Variants in VPS35L observed in about 807,000 individuals in gnomAD.
The protein encoded by VPS35L is VPS35 endosomal protein-sorting factor-like.
Under a neutral mutation model 133.0 loss-of-function variants are expected in VPS35L, and 83 were observed. That is an observed-to-expected ratio of 0.62 (90% CI 0.52 to 0.75). The LOEUF is 0.75. VPS35L is among the 30% of genes least tolerant of loss of function. The pLI, the probability that VPS35L is intolerant of heterozygous loss-of-function variation, is 0.00. For synonymous variants in VPS35L, 423 were observed against 449.9 expected (o/e 0.94, Z 0.76); for missense variants, 1,083 against 1,206.8 (o/e 0.90, Z 1.52).
chr16:19,578,269 A>G (rs1280985507), intron 5 of VPS35L: 1 of 447,514 alleles, frequency 2.2e-6, no homozygotes, highest in East Asian at 7.0e-5. Context: ...CCCTAAGTCC[A>G]CATTTCTTTC....
At chr16:19,660,197 C>T (rs756122836) in intron 26 of VPS35L, among the ~76,000 whole-genome samples, 17 of 151,782 alleles carry the variant, frequency 1.1e-4, no homozygotes, top group African/African-American at 2.4e-4. Context: ...TGGTGGTGTG[C>T]GCCTGTAGTC....
At chr16:19,688,052 G>A (rs1042123998) in intron 28 of VPS35L, among the ~76,000 whole-genome samples, 8 of 151,350 alleles carry the variant, frequency 5.3e-5, no homozygotes, top group African/African-American at 7.3e-5. Context: ...TCAGCCTCCC[G>A]AGTAGCTGGG....
chr16:19,642,521 A>G, intron 22 of VPS35L, 45 bp downstream of exon 22: 1 of 1,510,054 alleles, frequency 6.6e-7, no homozygotes. Flanking sequence ...TTGGGTCTTA[A>G]TGCCACCTAA....
chr16:19,575,076 A>G, intron 4 of VPS35L, 22 bp from the exon 5 acceptor site: 7 of 1,584,494 alleles, frequency 4.4e-6, no homozygotes, highest in Non-Finnish European at 5.2e-6. Flanking sequence ...TTAAAATATT[A>G]ATGAATTTTA....
At chr16:19,665,584 C>T (rs370857549) in intron 26 of VPS35L, among the ~76,000 whole-genome samples, 4 of 152,258 alleles carry the variant, frequency 2.6e-5, no homozygotes, top group East Asian at 1.9e-4. Context: ...TGTCTGTTGA[C>T]GGACACTTAG....
At chr16:19,650,251 C>T in intron 24 of VPS35L, 131 bp from the exon 25 acceptor site, 3 of 750,018 alleles carry the variant, frequency 4.0e-6, no homozygotes, top group South Asian at 3.2e-5. Flanking sequence ...AGGTTTAGTG[C>T]TAACCAGTCT....
At chr16:19,658,601 G>A (rs1034980221) in intron 26 of VPS35L, among the ~76,000 whole-genome samples, 4 of 151,980 alleles carry the variant, frequency 2.6e-5, no homozygotes, top group Non-Finnish European at 4.4e-5. Flanking sequence ...TACACTAGGC[G>A]ACACATGATA....
At chr16:19,642,116 A>G (rs1433539155) in intron 21 of VPS35L, among the ~76,000 whole-genome samples, 3 of 152,148 alleles carry the variant, frequency 2.0e-5, no homozygotes, top group Non-Finnish European at 2.9e-5. Context: ...AGGCTGAGGC[A>G]GGAGGATCAC....
chr16:19,640,888 A>C (rs987505523), intron 21 of VPS35L, among the ~76,000 whole-genome samples: 3 of 152,080 alleles, frequency 2.0e-5, no homozygotes, highest in African/African-American at 7.2e-5. Flanking sequence ...CTGGGACTAC[A>C]GGTGTGCCCC....
intron 18 of VPS35L, among the ~76,000 whole-genome samples, chr16:19,631,659 A>T (rs1169229052): frequency 6.6e-6 from 1 of 152,228 alleles, no homozygotes; most frequent in Non-Finnish European, 1.5e-5. Flanking sequence ...CAGACATTGT[A>T]TCGTTTCATC....
intron 28 of VPS35L, among the ~76,000 whole-genome samples, chr16:19,682,908 CTTGATTGATTGATTGA>C (rs34929537): frequency 1.3e-4 from 20 of 151,608 alleles, no homozygotes; most frequent in East Asian, 3.9e-4. Context: ...CCATCCTGCC[CTTGATTGATTGATTGA>C]TTGATTGATT....
chr16:19,628,747 C>A lies in VPS35L; in HGVS notation c.1494C>A (p.Asn498Lys), dbSNP rs1973349622. 1 of 1,411,026 alleles carries A rather than the reference C, an allele frequency of 7.1e-7. No individual in the cohort carries two copies. The highest frequency in any genetic ancestry group is 1.6e-5 in the South Asian group (1 of 61,714). 87.4% of individuals were successfully genotyped at this position (1,411,026 alleles called of 1,614,324 possible). The change falls in exon 17 of 31, where the codon AAC becomes AAA. Residue 498 changes from asparagine (N) to lysine (K), a missense_variant. Physicochemically the swap from Asn to Lys is moderately conservative, Grantham distance 94. Coordinates refer to ENST00000417362, the MANE Select transcript of VPS35L (RefSeq NM_020314.7). ...EAWKVITKLK[N>K]PQDYINCAEV... The stretch of plus-strand genomic sequence containing the variant: ...GGAAAGTCATCACTAAGCTGAAGAA[C>A]CCACAGGTGAGTGGCCATTTTATTT...
At chr16:19,671,639 T>C (rs1974878262) in intron 27 of VPS35L, among the ~76,000 whole-genome samples, 2 of 151,160 alleles carry the variant, frequency 1.3e-5, no homozygotes, top group Admixed American at 6.6e-5. Flanking sequence ...TAGCCAGGAG[T>C]GGTGGCAGGC....
At chr16:19,627,647 TTTGA>T (rs1394737525) in intron 15 of VPS35L, 43 bp from the exon 16 acceptor site, 7 of 1,431,022 alleles carry the variant, frequency 4.9e-6, no homozygotes, top group Non-Finnish European at 6.9e-6. Context: ...TTAAAGCAAC[TTTGA>T]TTGAGGAGAA....
chr16:19,638,440 G>A (rs1052969242), intron 20 of VPS35L, among the ~76,000 whole-genome samples: 2 of 152,166 alleles, frequency 1.3e-5, no homozygotes, highest in African/African-American at 4.8e-5. Flanking sequence ...GCCTGAAACC[G>A]CAGATAGAAC....
chr16:19,613,718 G>A (rs1972798907), intron 12 of VPS35L, among the ~76,000 whole-genome samples: 1 of 152,180 alleles, frequency 6.6e-6, no homozygotes, highest in South Asian at 2.1e-4. Flanking sequence ...ATGGGTTGGG[G>A]TCTGGGGTTG....
chr16:19,558,595 G>C (rs1471928632), intron 1 of VPS35L, among the ~76,000 whole-genome samples: 1 of 152,144 alleles, frequency 6.6e-6, no homozygotes, highest in African/African-American at 2.4e-5. Context: ...CACATTTTCC[G>C]TTTAATCCTG....
chr16:19,592,473 C>T (rs776004384), intron 8 of VPS35L, among the ~76,000 whole-genome samples: 34 of 152,236 alleles, frequency 2.2e-4, no homozygotes, highest in Non-Finnish European at 4.4e-4. Context: ...TGCCGTCTCA[C>T]AGGCACCTGA....
At chr16:19,584,643 AAG>A (rs71146261) in intron 7 of VPS35L, among the ~76,000 whole-genome samples, 5 of 151,322 alleles carry the variant, frequency 3.3e-5, no homozygotes, top group Non-Finnish European at 7.4e-5. Context: ...AAAAAAAAAA[AAG>A]AGTTTCCTTT....
Sources: allele counts gnomAD v4.1 joint callset (sites outside exome capture counted in the v4.1 genomes callset), GRCh38; gene constraint gnomAD v4.1.1; transcripts MANE v1.5; gene names NCBI Gene and HGNC (gene_info 2026-07-23, HGNC 2026-07-21).